Variants in KDM6A observed in about 807,000 individuals in gnomAD.
KDM6A encodes the protein lysine-specific demethylase 6A.
A neutral mutation model predicts 117.6 loss-of-function variants in KDM6A; 11 were observed. That is an observed-to-expected ratio of 0.09 (90% CI 0.06 to 0.15). KDM6A has a LOEUF of 0.15. KDM6A is among the 10% of genes least tolerant of loss of function. The probability of loss-of-function intolerance (pLI) is 1.00; values close to 1 mark genes in which losing one functional copy is unlikely to be tolerated. For synonymous variants in KDM6A, 384 were observed against 396.1 expected (o/e 0.97, Z 0.36); for missense variants, 799 against 1,077.3 (o/e 0.74, Z 3.62).
At chrX:45,004,141 G>A (rs1175725569) in intron 4 of KDM6A, among the ~76,000 whole-genome samples, 1 of 110,352 alleles carries the variant, frequency 9.1e-6, no homozygotes, top group Non-Finnish European at 1.9e-5. Flanking sequence ...CCTGTTCTTC[G>A]ACATCAATAG....
intron 17 of KDM6A, among the ~76,000 whole-genome samples, chrX:45,068,114 A>G (rs897318296): frequency 8.9e-6 from 1 of 111,942 alleles, no homozygotes; most frequent in Admixed American, 9.5e-5. Flanking sequence ...ATATCTTGTT[A>G]TCAGCTATAG....
chrX:45,040,197 C>A (rs2147815776), intron 8 of KDM6A, among the ~76,000 whole-genome samples: 1 of 96,144 alleles, frequency 1.0e-5, no homozygotes, highest in Non-Finnish European at 2.1e-5. Context: ...GGGCTCCTTA[C>A]TTCCCAGTAG....
chrX:45,034,872 A>C, intron 6 of KDM6A, 59 bp from the exon 7 acceptor site: 1 of 942,850 alleles, frequency 1.1e-6, no homozygotes, highest in African/African-American at 1.9e-5. Flanking sequence ...AAAGTATCTT[A>C]AGATGCTTTT....
At chrX:44,942,388 T>A (rs1213795956) in intron 2 of KDM6A, among the ~76,000 whole-genome samples, 1 of 110,588 alleles carries the variant, frequency 9.0e-6, no homozygotes, top group Non-Finnish European at 1.9e-5. Context: ...GTTGGCTATA[T>A]TTCTGAGGGT....
chrX:45,081,177 C>T (rs1225525749), intron 21 of KDM6A, among the ~76,000 whole-genome samples: 5 of 111,779 alleles, frequency 4.5e-5, no homozygotes, highest in Admixed American at 9.5e-5. Context: ...GGTGATCTGC[C>T]CATCTCGGCT....
At chrX:44,927,505 TC>T (rs1328324691) in intron 2 of KDM6A, among the ~76,000 whole-genome samples, 4 of 110,596 alleles carry the variant, frequency 3.6e-5, no homozygotes, top group Non-Finnish European at 7.5e-5. Context: ...CTTGATAAGC[TC>T]CCACATATTC....
intron 27 of KDM6A, among the ~76,000 whole-genome samples, chrX:45,103,420 T>G (rs1278367909): frequency 9.0e-6 from 1 of 111,251 alleles, no homozygotes; most frequent in African/African-American, 3.3e-5. Flanking sequence ...TGAAAACTTA[T>G]GTGATTCTCT....
intron 6 of KDM6A, among the ~76,000 whole-genome samples, chrX:45,028,267 A>G (rs763039738): frequency 4.4e-5 from 5 of 112,497 alleles, no homozygotes; most frequent in African/African-American, 1.3e-4. Flanking sequence ...TTCTTAATAC[A>G]TACTATTTTT....
At chrX:44,940,012 A>G (rs753270594) in intron 2 of KDM6A, among the ~76,000 whole-genome samples, 2 of 112,104 alleles carry the variant, frequency 1.8e-5, no homozygotes, top group African/African-American at 6.5e-5. Flanking sequence ...GCGGTCTCCA[A>G]TTATCCCCAA....
At chrX:44,912,241 C>T (rs1243385924) in intron 2 of KDM6A, among the ~76,000 whole-genome samples, 1 of 110,067 alleles carries the variant, frequency 9.1e-6, no homozygotes, top group Admixed American at 9.7e-5. Flanking sequence ...GGCCATGCCA[C>T]CATGCCCAGT....
intron 3 of KDM6A, among the ~76,000 whole-genome samples, chrX:44,969,308 A>G (rs73200192): frequency 1.7e-3 from 192 of 110,689 alleles, no homozygotes; most frequent in Non-Finnish European, 2.0e-3. Context: ...GGTTGTTTCA[A>G]TTCTTAAGCA....
At chrX:44,992,660 C>T (rs1002258521) in intron 4 of KDM6A, among the ~76,000 whole-genome samples, 1 of 109,494 alleles carries the variant, frequency 9.1e-6, no homozygotes, top group Admixed American at 9.8e-5. Flanking sequence ...AAGCGATTCT[C>T]CTGCTTCAAC....
At position 45,085,947 on chromosome X, in the gene KDM6A, T is replaced by C; in HGVS notation, c.3672T>C (p.Gly1224=). 8.4e-7 allele frequency: 1 copy of C among 1,193,303 alleles called. No individual in the cohort carries two copies. The highest frequency in any genetic ancestry group is 1.1e-6 in the Non-Finnish European group (1 of 878,790). The change falls in exon 25 of 30, where the codon GGT becomes GGC. Residue 1224 remains glycine, a synonymous_variant. Coordinates refer to ENST00000611820, the MANE Select transcript of KDM6A (RefSeq NM_001291415.2). Reference sequence around the variant, plus strand: ...GTGAATGGTTTGTTGTTCCTGAAGGTTACTGGGGTGTTCTGAATGACTTCT... The same window carrying C: ...GTGAATGGTTTGTTGTTCCTGAAGGCTACTGGGGTGTTCTGAATGACTTCT... ...GDCEWFVVPE[G]YWGVLNDFCE... is the part of the protein sequence containing the mutation.
At chrX:44,906,914 C>A (rs2034710560) in intron 2 of KDM6A, among the ~76,000 whole-genome samples, 1 of 110,806 alleles carries the variant, frequency 9.0e-6, no homozygotes, top group Non-Finnish European at 1.9e-5. Context: ...TTCCACTTCC[C>A]ATTCTTTAGC....
intron 21 of KDM6A, among the ~76,000 whole-genome samples, chrX:45,080,003 G>A (rs1043497942): frequency 9.0e-6 from 1 of 111,672 alleles, no homozygotes; most frequent in African/African-American, 3.3e-5. Context: ...ATTTTGGACT[G>A]GATAATTCTT....
At chrX:45,041,377 C>T (rs1226590279) in intron 8 of KDM6A, among the ~76,000 whole-genome samples, 2 of 94,990 alleles carry the variant, frequency 2.1e-5, no homozygotes, top group Admixed American at 1.1e-4. Context: ...TAGGGGCGGC[C>T]GGGCAGAGGA....
At position 45,053,934 on chromosome X, in the gene KDM6A, A is replaced by C; in HGVS notation, c.854A>C (p.Gln285Pro). 1 of 1,209,716 alleles carries C rather than the reference A, an allele frequency of 8.3e-7. No homozygotes were observed. The change falls in exon 10 of 30, where the codon CAG becomes CCG. Residue 285 changes from glutamine to proline, a missense_variant. By Grantham distance (76) the Gln-to-Pro change is moderately conservative. Around this residue, in one of 8 missense-constraint regions of KDM6A, gnomAD observed 10 missense variants for 47.7 expected, o/e 0.21. Transcript: ENST00000611820. ...TTGGAAGCAGATCCTAATTCTGGCCAGTCCTGGTATTTCCTCGGAAGGTGA... is the reference window on the plus strand; with the variant it reads ...TTGGAAGCAGATCCTAATTCTGGCCCGTCCTGGTATTTCCTCGGAAGGTGA... Reference protein sequence around the residue: ...KSLEADPNSGQSWYFLGRCYS... With the variant: ...KSLEADPNSGPSWYFLGRCYS...
chrX:44,962,399 G>C (rs1286310132), intron 3 of KDM6A, among the ~76,000 whole-genome samples: 1 of 111,793 alleles, frequency 8.9e-6, no homozygotes, highest in Non-Finnish European at 1.9e-5. Context: ...TCTGTTGTCT[G>C]ATCTGTAAAA....
Position 45,083,603 on chromosome X carries a change from C to T in KDM6A, c.3584C>T (p.Thr1195Ile). The change falls in exon 24 of 30, where the codon ACA (threonine) becomes ATA (isoleucine). Residue 1195 changes from threonine to isoleucine, a missense_variant. By Grantham distance (89) the Thr-to-Ile change is moderately conservative. Transcript: ENST00000611820. ...QLYMKVPGSRTPGHQENNNFC... is the reference protein window; with the variant it reads ...QLYMKVPGSRIPGHQENNNFC... ...TACATGAAAGTTCCAGGGAGCAGAA[C>T]ACCAGGTAATTTGTATGAACTAACA... The T allele has an allele frequency of 8.3e-7, 1 of 1,205,229 alleles. No individual in the cohort carries two copies. Among genetic ancestry groups the T allele is most frequent in the Non-Finnish European group, 1.1e-6 (1 of 889,753 alleles).
Sources: gnomAD v4.1 joint callset for allele counts (sites outside exome capture counted in the v4.1 genomes callset) on GRCh38, gnomAD v4.1.1 for gene constraint, gnomAD v4.1.1 regional missense constraint, MANE v1.5 for transcripts, NCBI Gene and HGNC (gene_info 2026-07-23, HGNC 2026-07-21) for gene names.